Variants in LCTL observed in about 807,000 individuals in gnomAD.
LCTL encodes the protein lactase like.
Under a neutral mutation model 75.8 loss-of-function variants are expected in LCTL, and 76 were observed. The ratio of observed to expected loss-of-function variants is 1.00; its 90% CI spans 0.83 to 1.21. LCTL has a LOEUF of 1.21. Ranked by LOEUF, LCTL falls within the 50% of genes most tolerant of loss-of-function variation. The pLI, the probability that LCTL is intolerant of heterozygous loss-of-function variation, is 0.00. For synonymous variants in LCTL, 271 were observed against 268.8 expected, an observed-to-expected ratio of 1.01 and a Z score of -0.08; for missense variants, 670 against 712.4, an observed-to-expected ratio of 0.94 and a Z score of 0.68.
intron 4 of LCTL, 64 bp downstream of exon 5, chr15:66,563,452 A>T: frequency 8.5e-7 from 1 of 1,182,694 alleles, no homozygotes; most frequent in South Asian, 1.3e-5. Flanking sequence ...CCAAGTCCTC[A>T]AACTGGGCTC....
chr15:66,562,332 G>A (rs1441011961), intron 4 of LCTL, among the ~76,000 whole-genome samples: 1 of 151,798 alleles, frequency 6.6e-6, no homozygotes, highest in East Asian at 2.0e-4. Flanking sequence ...GAACCCAGGA[G>A]GCGGAGGCTG....
exon 6 of LCTL, chr15:66,561,018 G>A: frequency 6.2e-7 from 1 of 1,614,034 alleles, no homozygotes; most frequent in African/African-American, 1.3e-5. Context: ...TAATGATGTG[G>A]TGTGCTGCCT....
chr15:66,550,235 C>A (rs1895546041), intron 11 of LCTL, 131 bp from the exon 13 acceptor site: 1 of 602,138 alleles, frequency 1.7e-6, no homozygotes, highest in Non-Finnish European at 3.0e-6. Context: ...GTTTTTAAAT[C>A]ATTTTGTAGT....
chr15:66,565,321 C>G (rs1290308162), exon 1 of LCTL: 1 of 1,613,784 alleles, frequency 6.2e-7, no homozygotes, highest in South Asian at 1.1e-5. Context: ...GCCTGGGCAC[C>G]AGCAGTAGCA....
intron 4 of LCTL, among the ~76,000 whole-genome samples, chr15:66,562,985 C>T (rs760168064): frequency 1.3e-5 from 2 of 152,196 alleles, no homozygotes; most frequent in Admixed American, 6.5e-5. Context: ...ACTTACTACA[C>T]ACATCAATTA....
At chr15:66,552,865 G>A in intron 9 of LCTL, 119 bp downstream of exon 10, 1 of 876,218 alleles carries the variant, frequency 1.1e-6, no homozygotes, top group Non-Finnish European at 1.6e-6. Flanking sequence ...AGCCTCTGAA[G>A]TATGAGTAAC....
chr15:66,556,274 T>A (rs1895736377), intron 8 of LCTL, among the ~76,000 whole-genome samples: 4 of 152,164 alleles, frequency 2.6e-5, no homozygotes. Flanking sequence ...GATGAATGAA[T>A]AAGCATAATA....
chr15:66,552,813 GT>G (rs1895642179), intron 9 of LCTL, among the ~76,000 whole-genome samples, 170 bp downstream of exon 10: 1 of 152,134 alleles, frequency 6.6e-6, no homozygotes, highest in African/African-American at 2.4e-5. Flanking sequence ...CATGCAAATG[GT>G]TATGCATGGT....
In LCTL at chr15:66,561,189, G is replaced by A. The variant is rs143302973; in HGVS notation, c.607C>T (p.Arg203Trp). ...CCACCTGGAGGGGCCCTGCTTACCCGAGGATCACTGAACGTGATCCAGTGC... is the reference window on the plus strand; with the variant it reads ...CCACCTGGAGGGGCCCTGCTTACCCAAGGATCACTGAACGTGATCCAGTGC... Residue 203 changes from arginine (R) to tryptophan (W), a missense_variant and splice_region_variant, in exon 5 of 13, where the codon CGG (arginine) becomes TGG (tryptophan). Physicochemically the swap from Arg to Trp is moderately radical, Grantham distance 101 (BLOSUM62 -3). Transcript: ENST00000341509. The A allele has an allele frequency of 8.9e-5, 143 of 1,614,056 alleles. 1 individual carries two copies. The highest frequency in any genetic ancestry group is 1.1e-4 in the Non-Finnish European group (135 of 1,180,026).
At chr15:66,552,789 G>T (rs2140836243) in intron 9 of LCTL, among the ~76,000 whole-genome samples, 195 bp downstream of exon 10, 1 of 152,112 alleles carries the variant, frequency 6.6e-6, no homozygotes, top group East Asian at 1.9e-4. Context: ...GAATTTTTTA[G>T]CTAAAGTTAT....
intron 8 of LCTL, among the ~76,000 whole-genome samples, chr15:66,557,372 A>G (rs1410758292): frequency 6.6e-6 from 1 of 152,200 alleles, no homozygotes; most frequent in Non-Finnish European, 1.5e-5. Flanking sequence ...AACCGACAAT[A>G]GAAGTGACAC....
chr15:66,563,624 G>T (rs199913419), exon 4 of LCTL: 2 of 1,594,262 alleles, frequency 1.3e-6, no homozygotes, highest in Middle Eastern at 2.1e-4. Flanking sequence ...TCACCTGCTC[G>T]GCTGCAGGTG....
chr15:66,552,201 A>C, intron 9 of LCTL, 32 bp from the exon 11 acceptor site: 2 of 1,592,212 alleles, frequency 1.3e-6, no homozygotes, highest in Non-Finnish European at 1.7e-6. Context: ...AAATATCTTA[A>C]AAATTCTGAC....
At chr15:66,561,784 A>G (rs1007917394) in intron 4 of LCTL, among the ~76,000 whole-genome samples, 14 of 152,138 alleles carry the variant, frequency 9.2e-5, no homozygotes, top group Non-Finnish European at 1.9e-4. Context: ...CAACCAGGGA[A>G]GAAGCTGGAA....
intron 6 of LCTL, 94 bp from the exon 8 acceptor site, chr15:66,558,130 G>A: frequency 9.1e-7 from 1 of 1,094,180 alleles, no homozygotes; most frequent in South Asian, 1.8e-5. Flanking sequence ...TAACTTTAGA[G>A]CTATTATTTT....
intron 4 of LCTL, among the ~76,000 whole-genome samples, chr15:66,563,163 T>C (rs1220512945): frequency 6.6e-6 from 1 of 152,166 alleles, no homozygotes; most frequent in Admixed American, 6.5e-5. Flanking sequence ...TTAGGTGCCC[T>C]TATAAAAAGA....
chr15:66,560,447 T>C (rs1347168486), intron 6 of LCTL, among the ~76,000 whole-genome samples: 1 of 152,164 alleles, frequency 6.6e-6, no homozygotes, highest in Non-Finnish European at 1.5e-5. Context: ...TGATGCCTGC[T>C]GGCCCTAAGA....
At chr15:66,565,287 G>C in exon 1 of LCTL, 1 of 1,613,708 alleles carries the variant, frequency 6.2e-7, no homozygotes, top group Non-Finnish European at 8.5e-7. Flanking sequence ...GCCTCTTCTG[G>C]GGACCCCTTC....
At chr15:66,563,384 C>T (rs1595711475) in intron 4 of LCTL, 132 bp downstream of exon 5, 3 of 573,202 alleles carry the variant, frequency 5.2e-6, no homozygotes, top group East Asian at 2.8e-5. Flanking sequence ...TTCACTCACT[C>T]GCATCTTATA....
Sources: gnomAD v4.1 joint callset for allele counts (sites outside exome capture counted in the v4.1 genomes callset) on GRCh38, gnomAD v4.1.1 for gene constraint, MANE v1.5 for transcripts, NCBI Gene and HGNC (gene_info 2026-07-23, HGNC 2026-07-21) for gene names.